The following ZNF892 variants were observed in gnomAD, a reference collection of about 807,000 sequenced individuals.
The protein encoded by ZNF892 is zinc finger protein 570-like.
At chr2:95,227,978 C>A in the ZNF892 span, among the ~76,000 whole-genome samples, 1 of 152,204 alleles carries the variant, frequency 6.6e-6, no homozygotes, top group Non-Finnish European at 1.5e-5. Context: ...TACTGTCTAA[C>A]ACACAGTTAG....
the ZNF892 span, among the ~76,000 whole-genome samples, chr2:95,229,027 C>T: frequency 6.6e-6 from 1 of 152,064 alleles, no homozygotes. Flanking sequence ...GCCTTTTTTT[C>T]CAGTTGTCCC....
At chr2:95,222,215 G>T in the ZNF892 span, among the ~76,000 whole-genome samples, 113 of 152,130 alleles carry the variant, frequency 7.4e-4, 3 homozygotes, top group East Asian at 0.015. Flanking sequence ...TTCCATGTTA[G>T]GTACCACAAT....
chr2:95,207,757 C>T, the ZNF892 span: 40 of 398,320 alleles, frequency 1.0e-4, 1 homozygote, highest in Non-Finnish European at 1.5e-4. Flanking sequence ...GAGCGGCGGA[C>T]CTCCGGCTCC....
At chr2:95,249,355 C>T in the ZNF892 span, among the ~76,000 whole-genome samples, 1 of 147,582 alleles carries the variant, frequency 6.8e-6, no homozygotes, top group South Asian at 2.1e-4. Flanking sequence ...TTTCTCCTGC[C>T]TCAGCCTCCC....
chr2:95,212,076 T>A, the ZNF892 span: 1 of 397,002 alleles, frequency 2.5e-6, no homozygotes, highest in Non-Finnish European at 4.4e-6. Flanking sequence ...TCGTGAACAC[T>A]GTTGAGGAAG....
At chr2:95,220,500 C>T in the ZNF892 span, among the ~76,000 whole-genome samples, 32 of 152,276 alleles carry the variant, frequency 2.1e-4, no homozygotes, top group African/African-American at 6.7e-4. Context: ...AGTCCATTCT[C>T]TCTCCACCTT....
chr2:95,254,545 T>A, the ZNF892 span, among the ~76,000 whole-genome samples: 1 of 152,234 alleles, frequency 6.6e-6, no homozygotes, highest in Non-Finnish European at 1.5e-5. Context: ...AAATTCTCTT[T>A]TTTTGTTGTG....
At chr2:95,228,569 A>T in the ZNF892 span, among the ~76,000 whole-genome samples, 2 of 152,220 alleles carry the variant, frequency 1.3e-5, no homozygotes, top group Non-Finnish European at 2.9e-5. Context: ...GTACTTAATA[A>T]AATAATCTAT....
At chr2:95,229,928 C>G in the ZNF892 span, among the ~76,000 whole-genome samples, 2 of 152,152 alleles carry the variant, frequency 1.3e-5, no homozygotes, top group Non-Finnish European at 2.9e-5. Context: ...TTTGTCAACA[C>G]TTTGTACTTT....
the ZNF892 span, among the ~76,000 whole-genome samples, chr2:95,254,862 T>C: frequency 1.3e-5 from 2 of 152,246 alleles, no homozygotes; most frequent in Non-Finnish European, 2.9e-5. Context: ...TTCTAGTTTA[T>C]TTGCATAGAG....
chr2:95,211,598 C>A, the ZNF892 span: 1 of 398,454 alleles, frequency 2.5e-6, no homozygotes, highest in South Asian at 1.3e-4. Context: ...TGGTGAGCAC[C>A]AATGTGTTTG....
At chr2:95,244,792 A>G in the ZNF892 span, among the ~76,000 whole-genome samples, 1 of 152,242 alleles carries the variant, frequency 6.6e-6, no homozygotes, top group African/African-American at 2.4e-5. Flanking sequence ...ATTTGGAAGT[A>G]AAACACTCCT....
chr2:95,232,077 G>A, the ZNF892 span: 1 of 152,294 alleles, frequency 6.6e-6, no homozygotes, highest in South Asian at 2.1e-4. Flanking sequence ...CTGGGTGGAG[G>A]AAGAGCTCCC....
the ZNF892 span, among the ~76,000 whole-genome samples, chr2:95,243,818 G>T: frequency 6.6e-6 from 1 of 152,166 alleles, no homozygotes; most frequent in Non-Finnish European, 1.5e-5. Flanking sequence ...CCCTCTGCCC[G>T]GCCACCACCC....
chr2:95,259,004 C>T, the ZNF892 span: 1 of 152,116 alleles, frequency 6.6e-6, no homozygotes, highest in African/African-American at 2.4e-5. Context: ...CAAGGAGAAG[C>T]GATTGCAGAG....
the ZNF892 span, among the ~76,000 whole-genome samples, chr2:95,222,827 A>G: frequency 7.2e-5 from 11 of 152,178 alleles, no homozygotes; most frequent in Non-Finnish European, 1.5e-4. Context: ...ATATTTAAGA[A>G]CCCCATCCCT....
chr2:95,256,737 A>G, the ZNF892 span, among the ~76,000 whole-genome samples: 3 of 152,176 alleles, frequency 2.0e-5, no homozygotes, highest in African/African-American at 7.2e-5. Flanking sequence ...GTCTTTTCAC[A>G]TAGTCCCATA....
the ZNF892 span, among the ~76,000 whole-genome samples, chr2:95,206,628 G>C: frequency 6.6e-6 from 1 of 152,190 alleles, no homozygotes; most frequent in Non-Finnish European, 1.5e-5. Context: ...TTAGATATAC[G>C]GGGTATGCCG....
the ZNF892 span, among the ~76,000 whole-genome samples, chr2:95,246,712 A>G: frequency 6.6e-6 from 1 of 152,190 alleles, no homozygotes; most frequent in Non-Finnish European, 1.5e-5. Flanking sequence ...ATATACACCA[A>G]CAACAGACTA....
Sources: gnomAD v4.1 joint callset for allele counts (sites outside exome capture counted in the v4.1 genomes callset) on GRCh38, gnomAD v4.1.1 for gene constraint, MANE v1.5 for transcripts, NCBI Gene and HGNC (gene_info 2026-07-23, HGNC 2026-07-21) for gene names.